SYTL3: variants seen among roughly 807,000 people sequenced by gnomAD.
The protein encoded by SYTL3 is synaptotagmin-like protein 3.
SYTL3 carries 88 observed loss-of-function variants against 82.1 expected under a neutral mutation model. That is an observed-to-expected ratio of 1.07 (90% CI 0.90 to 1.28). The LOEUF (loss-of-function observed/expected upper bound fraction) is 1.28, where lower values mean the gene tolerates loss of function less well. Ranked by LOEUF, SYTL3 falls within the 50% of genes most tolerant of loss-of-function variation. SYTL3 has a pLI of 0.00. For synonymous variants in SYTL3, 311 were observed against 289.4 expected, an observed-to-expected ratio of 1.07 and a Z score of -0.76; for missense variants, 831 against 757.6, an observed-to-expected ratio of 1.10 and a Z score of -1.14.
intron 12 of SYTL3, among the ~76,000 whole-genome samples, chr6:158,750,015 T>C (rs1275284963): frequency 6.6e-6 from 1 of 152,144 alleles, no homozygotes; most frequent in African/African-American, 2.4e-5. Context: ...CAAATGTTCA[T>C]CAACAGGATA....
At chr6:158,717,684 G>T (rs1783583452) in intron 9 of SYTL3, among the ~76,000 whole-genome samples, 1 of 152,122 alleles carries the variant, frequency 6.6e-6, no homozygotes, top group African/African-American at 2.4e-5. Context: ...ATGGTGTTAA[G>T]TTGTAACATC....
At chr6:158,652,191 G>T (rs574836224) in intron 2 of SYTL3, among the ~76,000 whole-genome samples, 1 of 151,930 alleles carries the variant, frequency 6.6e-6, no homozygotes, top group East Asian at 1.9e-4. Context: ...GCCTCCCAAA[G>T]TGTTGGGATT....
intron 5 of SYTL3, among the ~76,000 whole-genome samples, chr6:158,668,646 G>A: frequency 6.6e-6 from 1 of 152,350 alleles, no homozygotes; most frequent in Non-Finnish European, 1.5e-5. Context: ...GTTTTGCAGG[G>A]CAAGATCAGG....
At chr6:158,648,215 C>G (rs1787610383), upstream of SYTL3, among the ~76,000 whole-genome samples, 1 of 152,024 alleles carries the variant, frequency 6.6e-6, no homozygotes, top group Non-Finnish European at 1.5e-5. Flanking sequence ...ATCGCTTGAA[C>G]CCAGGAGGCA....
chr6:158,763,067 A>ATTAAT (rs1298832790), intron 16 of SYTL3, among the ~76,000 whole-genome samples: 5 of 152,348 alleles, frequency 3.3e-5, no homozygotes, highest in Admixed American at 6.5e-5. Context: ...AGGAGGAAAG[A>ATTAAT]TTAAGATGAG....
At chr6:158,703,147 C>A (rs2128445490) in intron 6 of SYTL3, among the ~76,000 whole-genome samples, 1 of 121,348 alleles carries the variant, frequency 8.2e-6, no homozygotes, top group South Asian at 3.4e-4. Flanking sequence ...GAGCAAGACT[C>A]TGTCTTAAAA....
chr6:158,741,284 G>T (rs1378428096), intron 11 of SYTL3, among the ~76,000 whole-genome samples: 3 of 152,140 alleles, frequency 2.0e-5, no homozygotes, highest in Non-Finnish European at 4.4e-5. Context: ...TGGCCAGCTG[G>T]TCTCGAACTC....
At chr6:158,725,040 TA>T (rs576589083) in intron 10 of SYTL3, among the ~76,000 whole-genome samples, 2 of 152,078 alleles carry the variant, frequency 1.3e-5, no homozygotes, top group Admixed American at 1.3e-4. Context: ...AAAGAAAAAA[TA>T]AAAAAAGCAT....
In SYTL3 at chr6:158,757,273, C is replaced by T; in HGVS notation, c.1200C>T (p.Gly400=). The T allele has an allele frequency of 6.2e-7, 1 of 1,613,378 alleles. No homozygotes were observed. Among genetic ancestry groups the T allele is most frequent in the Non-Finnish European group, 8.5e-7 (1 of 1,179,978 alleles). The change falls in exon 14 of 18, where the codon GGC becomes GGT. Residue 400 remains glycine, a synonymous_variant. Transcript: ENST00000611299. ...TGCAGGTCTCGGTGTGGCATCTGGG[C>T]ACGCTGGCCCGGAGAGTGTTTCTTG... ...RQLQVSVWHL[G]TLARRVFLGE... is the part of the protein sequence containing the mutation.
intron 2 of SYTL3, among the ~76,000 whole-genome samples, chr6:158,654,518 C>T (rs1190944006): frequency 1.3e-5 from 2 of 152,164 alleles, no homozygotes; most frequent in African/African-American, 4.8e-5. Flanking sequence ...CTCCCAATCC[C>T]AGAACAGTGG....
At chr6:158,760,902 C>G (rs940305610) in intron 15 of SYTL3, among the ~76,000 whole-genome samples, 157 bp downstream of exon 15, 4 of 152,194 alleles carry the variant, frequency 2.6e-5, no homozygotes, top group African/African-American at 9.6e-5. Flanking sequence ...ATGCAGCGAG[C>G]CCGGGAGAGG....
intron 6 of SYTL3, among the ~76,000 whole-genome samples, chr6:158,694,231 A>AT (rs1323595982): frequency 6.6e-6 from 1 of 151,868 alleles, no homozygotes; most frequent in African/African-American, 2.4e-5. Context: ...GCCCTTCAAA[A>AT]TTTTTTGCTT....
At chr6:158,693,042 A>C (rs1449202373) in intron 6 of SYTL3, among the ~76,000 whole-genome samples, 2 of 152,198 alleles carry the variant, frequency 1.3e-5, no homozygotes, top group East Asian at 3.9e-4. Context: ...TGGTTTGCTC[A>C]GTAAACACCC....
intron 12 of SYTL3, among the ~76,000 whole-genome samples, chr6:158,748,416 G>A (rs556529287): frequency 1.3e-5 from 2 of 152,170 alleles, no homozygotes; most frequent in South Asian, 4.2e-4. Flanking sequence ...GTCTACCTCA[G>A]GAAAACTGGA....
chr6:158,751,575 C>T (rs755102575), intron 12 of SYTL3, among the ~76,000 whole-genome samples: 2 of 152,142 alleles, frequency 1.3e-5, no homozygotes, highest in South Asian at 2.1e-4. Context: ...GCAGAAGGGA[C>T]GGGAATCCGG....
chr6:158,685,745 G>A (rs1779231222), intron 6 of SYTL3, among the ~76,000 whole-genome samples: 1 of 152,140 alleles, frequency 6.6e-6, no homozygotes, highest in African/African-American at 2.4e-5. Flanking sequence ...TTAAAGCTGG[G>A]AGGCGGAGGT....
intron 8 of SYTL3, 56 bp from the exon 9 acceptor site, chr6:158,713,744 G>A (rs1015035000): frequency 1.1e-5 from 15 of 1,346,826 alleles, no homozygotes; most frequent in Non-Finnish European, 1.5e-5. Flanking sequence ...ACACTGCTGA[G>A]GCAAACACAA....
chr6:158,756,556 A>G (rs1381847864), intron 13 of SYTL3, among the ~76,000 whole-genome samples: 1 of 151,834 alleles, frequency 6.6e-6, no homozygotes, highest in Admixed American at 6.6e-5. Context: ...CTAAAAATAC[A>G]AAAAAACAAG....
chr6:158,688,153 A>G (rs80115837), intron 6 of SYTL3, among the ~76,000 whole-genome samples: 17,054 of 152,262 alleles, frequency 0.11, 1,243 homozygotes, highest in African/African-American at 0.2. Flanking sequence ...TATATGCACT[A>G]TAGTTTATTT....
Sources: gnomAD v4.1 joint callset for allele counts (sites outside exome capture counted in the v4.1 genomes callset) on GRCh38, gnomAD v4.1.1 for gene constraint, MANE v1.5 for transcripts, NCBI Gene and HGNC (gene_info 2026-07-23, HGNC 2026-07-21) for gene names.